The following SLC17A8 variants were observed in gnomAD, a reference collection of about 807,000 sequenced individuals.
SLC17A8 encodes the protein solute carrier family 17 member 8.
A neutral mutation model predicts 58.0 loss-of-function variants in SLC17A8; 31 were observed. That is an observed-to-expected ratio of 0.53 (90% CI 0.40 to 0.72). SLC17A8 has a LOEUF of 0.72. SLC17A8 is among the 30% of genes least tolerant of loss of function. The pLI is 0.00. For missense variants in SLC17A8, 655 were observed against 727.8 expected, an observed-to-expected ratio of 0.90 and a Z score of 1.15; for synonymous variants, 228 against 249.0, an observed-to-expected ratio of 0.92 and a Z score of 0.79.
At chr12:100,386,991 A>G (rs1952680085) in intron 2 of SLC17A8, among the ~76,000 whole-genome samples, 3 of 152,034 alleles carry the variant, frequency 2.0e-5, no homozygotes. Flanking sequence ...GCCCAGCCAC[A>G]TTTTCTTTAT....
rs1021314258 is a variant in SLC17A8, at chr12:100,396,514, C to G, written c.676+97C>G. The G allele has an allele frequency of 4.4e-6, 4 of 918,870 alleles. No homozygotes were observed. In the African/African-American group the frequency reaches 6.6e-5, roughly 15 times the overall value. The allele number at this position is 918,870 out of a possible 1,614,324, so 56.9% of individuals were successfully genotyped here. A position where few individuals can be genotyped will look rare whatever the true frequency, so the allele number is the denominator to read the frequency against. ...TGTAATCTCAGCACTTTAGGGAGGC[C>G]GAGGCAGGAGGATCCCTGGAGCCCA... On this transcript the variant is annotated intron_variant, in intron 5 of 11. Transcript: ENST00000323346.
At chr12:100,395,326 ATTT>A (rs11304705) in intron 4 of SLC17A8, among the ~76,000 whole-genome samples, 5 of 138,136 alleles carry the variant, frequency 3.6e-5, no homozygotes, top group African/African-American at 5.3e-5. Context: ...AAACAAAAGA[ATTT>A]TTTTTTTTTT....
Position 100,380,793 on chromosome 12 carries a change from G to A in SLC17A8, c.194G>A (p.Cys65Tyr), listed in dbSNP as rs1952630246. ...VQTSRPSPPL[C>Y]DCHCCGLPKR... ...ACGTCCAGGCCAAGCCCCCCACTCTGCGACTGCCACTGCTGCGGCCTCCCC... is the reference window on the plus strand; with the variant it reads ...ACGTCCAGGCCAAGCCCCCCACTCTACGACTGCCACTGCTGCGGCCTCCCC... The change falls in exon 2 of 12, where the codon TGC (cysteine) becomes TAC (tyrosine). Residue 65 changes from cysteine (C) to tyrosine (Y), a missense_variant. Coordinates refer to ENST00000323346, the MANE Select transcript of SLC17A8 (RefSeq NM_139319.3). 1 of 1,614,132 alleles carries A rather than the reference G, an allele frequency of 6.2e-7. No individual in the cohort carries two copies. The highest frequency in any genetic ancestry group is 8.5e-7 in the Non-Finnish European group (1 of 1,180,038).
At chr12:100,400,904 A>G (rs1952786265) in intron 5 of SLC17A8, among the ~76,000 whole-genome samples, 1 of 152,136 alleles carries the variant, frequency 6.6e-6, no homozygotes, top group East Asian at 1.9e-4. Context: ...TAAGTTTTAC[A>G]AAGTAAGAAA....
Position 100,387,600 on chromosome 12 carries a change from T to C in SLC17A8, c.355-3401T>C, listed in dbSNP as rs529792585. On this transcript the variant is annotated intron_variant, in intron 2 of 11. Transcript: ENST00000323346. ...ATTGACAATTAGCAGCTGGTTGAAG[T>C]GGGAGTTAGAGAAAGGGTCTAGTTC... is the stretch of plus-strand genomic sequence containing the variant. 4.8e-4 allele frequency among the ~76,000 whole-genome samples: 73 copies of C among 152,298 alleles called. No homozygotes were observed. The South Asian group carries it at 0.015, about 31-fold the overall frequency.
intron 2 of SLC17A8, 150 bp from the exon 3 acceptor site, chr12:100,390,851 C>G: frequency 1.5e-6 from 1 of 677,174 alleles, no homozygotes; most frequent in Non-Finnish European, 2.7e-6. Flanking sequence ...GCTGCTATCC[C>G]CAAGTATGTA....
At chr12:100,402,313 A>G (rs1300260150) in intron 6 of SLC17A8, 27 bp from the exon 7 acceptor site, 2 of 1,613,752 alleles carry the variant, frequency 1.2e-6, no homozygotes, top group African/African-American at 2.7e-5. Flanking sequence ...AGACCATATA[A>G]CCCAGCCTTT....
chr12:100,367,654 G>C (rs1283841822), intron 1 of SLC17A8, among the ~76,000 whole-genome samples: 1 of 152,156 alleles, frequency 6.6e-6, no homozygotes, highest in Non-Finnish European at 1.5e-5. Context: ...AGGCTCAAGT[G>C]ATCCTCCCAC....
intron 1 of SLC17A8, among the ~76,000 whole-genome samples, chr12:100,365,878 A>G (rs1310978050): frequency 6.6e-6 from 1 of 152,144 alleles, no homozygotes; most frequent in African/African-American, 2.4e-5. Flanking sequence ...CTCTCTGACT[A>G]TATTATGAGA....
rs575070065 is a variant in SLC17A8 at position 100,401,972 on chromosome 12, A to G, written c.763+109A>G. The G allele has an allele frequency of 6.8e-5, 59 of 869,160 alleles. No individual in the cohort carries two copies. In the South Asian group the frequency reaches 7.9e-4, roughly 12 times the overall value. The allele number at this position is 869,160 out of a possible 1,614,324, so 53.8% of individuals were successfully genotyped here. ...CATCAAAATAGAGATTACTAAAACA[A>G]GTTTATTGTATAAATGGAATACTTT... is the stretch of plus-strand genomic sequence containing the variant. On this transcript the variant is annotated intron_variant, in intron 6 of 11. Transcript: ENST00000323346.
chr12:100,377,090 G>A (rs562521389), intron 1 of SLC17A8, among the ~76,000 whole-genome samples: 2 of 152,070 alleles, frequency 1.3e-5, no homozygotes, highest in Non-Finnish European at 2.9e-5. Context: ...GATTACAGGC[G>A]TGAGCTACCA....
At chr12:100,391,636 C>A (rs1440662307) in intron 3 of SLC17A8, among the ~76,000 whole-genome samples, 2 of 152,092 alleles carry the variant, frequency 1.3e-5, no homozygotes, top group Non-Finnish European at 2.9e-5. Flanking sequence ...CGTTTTTCAT[C>A]CAATTAAATT....
chr12:100,386,003 C>T (rs971118778), intron 2 of SLC17A8, among the ~76,000 whole-genome samples: 2 of 152,254 alleles, frequency 1.3e-5, no homozygotes, highest in South Asian at 2.1e-4. Flanking sequence ...CATCTTTCTG[C>T]GTGTCTCCTC....
intron 1 of SLC17A8, among the ~76,000 whole-genome samples, chr12:100,369,162 G>A (rs12298683): frequency 0.019 from 2,896 of 152,248 alleles, 99 homozygotes; most frequent in African/African-American, 0.066. Flanking sequence ...TGTAATCCCA[G>A]CTACTCAGGA....
chr12:100,415,589 C>T (rs114938430), intron 10 of SLC17A8, among the ~76,000 whole-genome samples: 1,714 of 152,212 alleles, frequency 0.011, 37 homozygotes, highest in African/African-American at 0.039. Flanking sequence ...TGTGCCACCA[C>T]TTCCAGATAT....
chr12:100,369,234 C>T lies in SLC17A8; in HGVS notation c.102-11467C>T, dbSNP rs190610428. On this transcript the variant is annotated intron_variant, in intron 1 of 11. Transcript: ENST00000323346. ...GACGTTGCAGTGAGCCGAAATCCCACCACTGCACTCCAGCCTGGGCAACAG... is the reference window on the plus strand; with the variant it reads ...GACGTTGCAGTGAGCCGAAATCCCATCACTGCACTCCAGCCTGGGCAACAG... Among the ~76,000 whole-genome samples, 99 of 152,284 alleles carry T rather than the reference C, an allele frequency of 6.5e-4. 1 individual carries two copies. The East Asian group carries it at 0.011, about 17-fold the overall frequency.
At chr12:100,400,716 G>T (rs1230843766) in intron 5 of SLC17A8, among the ~76,000 whole-genome samples, 1 of 151,974 alleles carries the variant, frequency 6.6e-6, no homozygotes, top group Non-Finnish European at 1.5e-5. Context: ...CAGCCCAGGG[G>T]GAGTTTCAGA....
In SLC17A8 at chr12:100,419,820, T is replaced by C; in HGVS notation, c.1431T>C (p.Arg477=). The C allele has an allele frequency of 2.5e-6, 4 of 1,613,464 alleles. No individual in the cohort carries two copies. The highest frequency in any genetic ancestry group is 3.4e-6 in the Non-Finnish European group (4 of 1,179,976). ...CACTTTATTTCCTTATTTAGACCCG[T>C]GAAGAATGGCAGAATGTGTTCCTCA... ...IVGAMTRHKT[R]EEWQNVFLIA... The change falls in exon 12 of 12, where the codon CGT becomes CGC. Residue 477 remains arginine, a synonymous_variant. Transcript: ENST00000323346.
chr12:100,418,562 G>A (rs1355621930), intron 11 of SLC17A8, among the ~76,000 whole-genome samples: 1 of 152,174 alleles, frequency 6.6e-6, no homozygotes, highest in Non-Finnish European at 1.5e-5. Flanking sequence ...AAAGATGAGT[G>A]CTATTCTACT....
Sources: gnomAD v4.1 joint callset for allele counts (sites outside exome capture counted in the v4.1 genomes callset) on GRCh38, gnomAD v4.1.1 for gene constraint, MANE v1.5 for transcripts, NCBI Gene and HGNC (gene_info 2026-07-23, HGNC 2026-07-21) for gene names.